The following SLC25A26 variants were observed in gnomAD, a reference collection of about 807,000 sequenced individuals.
SLC25A26 encodes solute carrier family 25 member 26.
Under a neutral mutation model 37.8 loss-of-function variants are expected in SLC25A26, and 36 were observed. The ratio of observed to expected loss-of-function variants is 0.95; its 90% CI spans 0.73 to 1.26. The LOEUF (loss-of-function observed/expected upper bound fraction) is 1.26. Ranked by LOEUF, SLC25A26 falls within the 50% of genes most tolerant of loss-of-function variation. The probability of loss-of-function intolerance (pLI) is 0.00; values close to 1 mark genes in which losing one functional copy is unlikely to be tolerated. For synonymous variants in SLC25A26, 129 were observed against 122.5 expected, an observed-to-expected ratio of 1.05 and a Z score of -0.35; for missense variants, 390 against 331.1, an observed-to-expected ratio of 1.18 and a Z score of -1.38.
intron 6 of SLC25A26, among the ~76,000 whole-genome samples, chr3:66,349,542 T>C (rs2076403041): frequency 6.6e-6 from 1 of 152,186 alleles, no homozygotes; most frequent in Non-Finnish European, 1.5e-5. Context: ...TACCAGTAGT[T>C]TGTTTTATTA....
At chr3:66,178,877 G>A (rs2070640744) in intron 1 of SLC25A26, among the ~76,000 whole-genome samples, 1 of 152,178 alleles carries the variant, frequency 6.6e-6, no homozygotes. Flanking sequence ...ATTGTTTAAA[G>A]ACACACAAAG....
At chr3:66,192,492 A>G (rs2070965681) in intron 1 of SLC25A26, among the ~76,000 whole-genome samples, 2 of 152,144 alleles carry the variant, frequency 1.3e-5, no homozygotes, top group Admixed American at 6.5e-5. Flanking sequence ...ACTGTGAGAA[A>G]TAAATGTCTG....
At chr3:66,339,254 AT>A (rs558466699) in intron 5 of SLC25A26, among the ~76,000 whole-genome samples, 123 of 152,166 alleles carry the variant, frequency 8.1e-4, no homozygotes, top group Non-Finnish European at 1.2e-3. Context: ...TCTTGTGCAC[AT>A]TTTAAAAATC....
chr3:66,348,357 A>C, intron 6 of SLC25A26, among the ~76,000 whole-genome samples: 1 of 152,190 alleles, frequency 6.6e-6, no homozygotes, highest in East Asian at 1.9e-4. Context: ...ACCTCAATGA[A>C]TGTTATGCAT....
intron 5 of SLC25A26, among the ~76,000 whole-genome samples, chr3:66,309,955 C>T (rs146394728): frequency 2.0e-5 from 3 of 152,250 alleles, no homozygotes; most frequent in African/African-American, 7.2e-5. Context: ...CTGTGTGGTG[C>T]TGAGAAGAAT....
In SLC25A26 at chr3:66,239,816, CTT is replaced by C. The variant is rs536690709; in HGVS notation, c.190+3139_190+3140del. Among the ~76,000 whole-genome samples, 433 of 110,134 alleles carry C rather than the reference CTT, an allele frequency of 3.9e-3. 2 individuals are homozygous for C. The highest frequency in any genetic ancestry group is 2.4e-3 in the Non-Finnish European group (136 of 55,646). The allele number at this position is 110,134 out of a possible 152,430, so 72.3% of individuals were successfully genotyped here. ...ATGGGTTAATGAGTTTCCTTTCTTT[CTT>C]TTTTTTTTTTTTTTTTTTTTTTAAC... On this transcript the variant is annotated intron_variant, in intron 2 of 9. Transcript: ENST00000354883.
At chr3:66,346,469 G>C in intron 6 of SLC25A26, 61 bp downstream of exon 6, 1 of 837,656 alleles carries the variant, frequency 1.2e-6, no homozygotes, top group Non-Finnish European at 1.8e-6. Context: ...AATAGTTTGA[G>C]TGTGGAAGAG....
chr3:66,249,908 C>G (rs1306168920), intron 3 of SLC25A26, among the ~76,000 whole-genome samples: 1 of 152,176 alleles, frequency 6.6e-6, no homozygotes, highest in Non-Finnish European at 1.5e-5. Flanking sequence ...TGAGTGCACT[C>G]AAACAAACAC....
At chr3:66,167,130 G>T (rs530971076) in intron 1 of SLC25A26, among the ~76,000 whole-genome samples, 1 of 152,024 alleles carries the variant, frequency 6.6e-6, no homozygotes, top group East Asian at 1.9e-4. Flanking sequence ...ACTCAGGCTC[G>T]GGTATTAGTC....
chr3:66,221,260 G>C (rs903656063), intron 1 of SLC25A26, 133 bp downstream of exon 1: 2 of 1,012,864 alleles, frequency 2.0e-6, no homozygotes, highest in Admixed American at 7.0e-5. Context: ...AGCCAGGTCT[G>C]AGAGGGAGCA....
At chr3:66,227,129 T>A (rs2071793695) in intron 1 of SLC25A26, among the ~76,000 whole-genome samples, 1 of 152,216 alleles carries the variant, frequency 6.6e-6, no homozygotes, top group South Asian at 2.1e-4. Flanking sequence ...GTGAGTTCGT[T>A]TAATGCGAAG....
intron 5 of SLC25A26, chr3:66,293,208 C>G (rs1207372543): frequency 6.6e-6 from 1 of 152,160 alleles, no homozygotes; most frequent in Non-Finnish European, 1.5e-5. Flanking sequence ...GTATGTGCTG[C>G]TGGAGCCAAC....
At chr3:66,157,586 A>G (rs2070301162) in intron 1 of SLC25A26, among the ~76,000 whole-genome samples, 1 of 152,232 alleles carries the variant, frequency 6.6e-6, no homozygotes, top group African/African-American at 2.4e-5. Flanking sequence ...TGGACTTCAA[A>G]TCTAGACATT....
At chr3:66,253,383 C>CA (rs1224336318) in intron 3 of SLC25A26, among the ~76,000 whole-genome samples, 1 of 143,070 alleles carries the variant, frequency 7.0e-6, no homozygotes, top group Non-Finnish European at 1.5e-5. Context: ...GCCTGGGTGA[C>CA]AGAGTGAGAC....
At chr3:66,177,040 C>T (rs948162741) in intron 1 of SLC25A26, among the ~76,000 whole-genome samples, 3 of 152,188 alleles carry the variant, frequency 2.0e-5, no homozygotes, top group African/African-American at 7.2e-5. Flanking sequence ...AACAAAATCA[C>T]ACTTAGGCAA....
intron 1 of SLC25A26, among the ~76,000 whole-genome samples, chr3:66,150,437 G>T (rs1158861649): frequency 6.7e-6 from 1 of 148,258 alleles, no homozygotes; most frequent in African/African-American, 2.5e-5. Context: ...GGCGGAGGTT[G>T]CAGTGAGCTG....
At chr3:66,315,709 G>A (rs908850356) in intron 5 of SLC25A26, among the ~76,000 whole-genome samples, 4 of 152,070 alleles carry the variant, frequency 2.6e-5, no homozygotes, top group Non-Finnish European at 5.9e-5. Context: ...CTTGATAGTA[G>A]GGTATTAAAG....
intron 2 of SLC25A26, among the ~76,000 whole-genome samples, chr3:66,239,689 A>G (rs181879317): frequency 6.6e-6 from 1 of 152,266 alleles, no homozygotes; most frequent in East Asian, 1.9e-4. Flanking sequence ...TGCCTTTATT[A>G]TAGCAACCCT....
At chr3:66,275,343 A>G (rs942176194) in intron 5 of SLC25A26, among the ~76,000 whole-genome samples, 5 of 151,948 alleles carry the variant, frequency 3.3e-5, no homozygotes, top group African/African-American at 1.2e-4. Context: ...TGGCACATGT[A>G]TACATATGTA....
Sources: allele counts gnomAD v4.1 joint callset (sites outside exome capture counted in the v4.1 genomes callset), GRCh38; gene constraint gnomAD v4.1.1; transcripts MANE v1.5; gene names NCBI Gene and HGNC (gene_info 2026-07-23, HGNC 2026-07-21).